The following AKAP12 variants were observed in gnomAD, a reference collection of about 807,000 sequenced individuals.
AKAP12 encodes the protein A-kinase anchoring protein 12.
A neutral mutation model predicts 79.9 loss-of-function variants in AKAP12; 32 were observed. The observed-to-expected ratio is 0.40, with a 90% confidence interval of 0.30 to 0.54. The LOEUF (loss-of-function observed/expected upper bound fraction) is 0.54, where lower values mean the gene tolerates loss of function less well. AKAP12 is among the 20% of genes least tolerant of loss of function. The pLI is 0.48. For synonymous variants in AKAP12, 808 were observed against 857.0 expected, an observed-to-expected ratio of 0.94 and a Z score of 1.00; for missense variants, 2,074 against 2,177.0, an observed-to-expected ratio of 0.95 and a Z score of 0.94.
intron 2 of AKAP12, among the ~76,000 whole-genome samples, chr6:151,294,446 G>A (rs576289184): frequency 1.3e-5 from 2 of 152,296 alleles, no homozygotes; most frequent in South Asian, 4.2e-4. Flanking sequence ...GGAAGATACC[G>A]GTTGTATCAG....
chr6:151,265,945 T>C (rs1028730077), intron 2 of AKAP12, among the ~76,000 whole-genome samples: 9 of 152,222 alleles, frequency 5.9e-5, no homozygotes, highest in Admixed American at 5.2e-4. Flanking sequence ...GGTCTTTTTG[T>C]TGTTGTTTTC....
chr6:151,277,700 TTTTA>T (rs1776312517), intron 2 of AKAP12, among the ~76,000 whole-genome samples: 1 of 152,224 alleles, frequency 6.6e-6, no homozygotes, highest in Admixed American at 6.5e-5. Flanking sequence ...AAATCCCATT[TTTTA>T]TTTAGTTTTT....
At chr6:151,256,794 C>T (rs936209193) in intron 2 of AKAP12, among the ~76,000 whole-genome samples, 6 of 151,736 alleles carry the variant, frequency 4.0e-5, no homozygotes, top group Non-Finnish European at 5.9e-5. Context: ...GAACTACAGG[C>T]GTGTGCCACC....
rs560376061 is a variant in AKAP12 at position 151,311,574 on chromosome 6, A to C, written c.319+5671A>C. Among the ~76,000 whole-genome samples, 95 of 152,322 alleles carry C rather than the reference A, an allele frequency of 6.2e-4. 1 individual carries two copies. The highest frequency in any genetic ancestry group is 3.4e-3 in the Middle Eastern group (1 of 294). ...TCAAAATGCTGTCACTTAAAGCAGAAGTCTTTGAGGGGATGTATTTCTTAA... is the reference window on the plus strand; with the variant it reads ...TCAAAATGCTGTCACTTAAAGCAGACGTCTTTGAGGGGATGTATTTCTTAA... On this transcript the variant is annotated intron_variant, in intron 3 of 4. Transcript: ENST00000402676.
At chr6:151,306,001 G>A (rs1776970916) in intron 3 of AKAP12, 98 bp downstream of exon 3, 2 of 1,290,540 alleles carry the variant, frequency 1.5e-6, no homozygotes, top group Non-Finnish European at 1.1e-6. Flanking sequence ...TGGTGGATTG[G>A]TGTTAACAGC....
At chr6:151,297,610 C>T (rs1000592794) in intron 2 of AKAP12, among the ~76,000 whole-genome samples, 39 of 149,300 alleles carry the variant, frequency 2.6e-4, no homozygotes, top group Non-Finnish European at 5.9e-5. Flanking sequence ...GTCTTCTTTT[C>T]TCTTCCTGTG....
rs1198303511 is a variant in AKAP12 at position 151,350,409 on chromosome 6, T to C, written c.2018T>C (p.Val673Ala). ...AAGCCGGAAGAACCAAAGCGCAAGG[T>C]GGATACCTCAGTATCTTGGGAAGCT... Reference protein sequence around the residue: ...EPKPEEPKRKVDTSVSWEALI... With the variant: ...EPKPEEPKRKADTSVSWEALI... Residue 673 changes from valine (V) to alanine (A), a missense_variant, in exon 4 of 5, where the codon GTG becomes GCG. This residue lies in a region of AKAP12 where 1,428 missense variants were observed against 1,451.0 expected (regional missense o/e 0.98). Transcript: ENST00000402676. The surrounding 1 kb of genome is among the most constrained non-coding windows in gnomAD (Gnocchi z 4.8). The C allele has an allele frequency of 1.2e-6, 2 of 1,612,634 alleles. No homozygotes were observed. The highest frequency in any genetic ancestry group is 1.7e-6 in the Non-Finnish European group (2 of 1,179,868).
intron 2 of AKAP12, among the ~76,000 whole-genome samples, chr6:151,254,759 C>T (rs936266927): frequency 1.3e-5 from 2 of 152,138 alleles, no homozygotes; most frequent in African/African-American, 4.8e-5. Context: ...AATTTTTGTC[C>T]TAAACTGAGA....
At chr6:151,242,743 G>A (rs1227536086) in intron 2 of AKAP12, among the ~76,000 whole-genome samples, 3 of 152,218 alleles carry the variant, frequency 2.0e-5, no homozygotes, top group Non-Finnish European at 2.9e-5. Flanking sequence ...ACATGTGTGG[G>A]TTTAGTGTTC....
intron 2 of AKAP12, among the ~76,000 whole-genome samples, chr6:151,275,145 A>G (rs1776267805): frequency 6.6e-6 from 1 of 151,992 alleles, no homozygotes; most frequent in Non-Finnish European, 1.5e-5. Flanking sequence ...TCTCACAAAC[A>G]TGTTTGACCC....
chr6:151,270,318 A>C (rs1776155982), intron 2 of AKAP12, among the ~76,000 whole-genome samples: 1 of 152,216 alleles, frequency 6.6e-6, no homozygotes, highest in African/African-American at 2.4e-5. Context: ...TCGGCCTCCC[A>C]AAGTGCTGGG....
In AKAP12 at chr6:151,305,878, GGAA is replaced by G. The variant is rs765450667; in HGVS notation, c.302_304del (p.Glu101del). The G allele has an allele frequency of 1.6e-3, 2,511 of 1,612,382 alleles. 2 individuals carry two copies. Among genetic ancestry groups the G allele is most frequent in the Non-Finnish European group, 1.8e-3 (2,148 of 1,179,186 alleles). On this transcript the variant is annotated inframe_deletion, in exon 3 of 5. Transcript: ENST00000402676. ...GTCAAGGAGCCCTAAACAGCCAGGA[GGAA>G]GAAGAAGTCATTGTCACAGAGGGTA...
chr6:151,284,917 G>A (rs1409746412), intron 2 of AKAP12, among the ~76,000 whole-genome samples: 2 of 152,170 alleles, frequency 1.3e-5, no homozygotes, highest in Non-Finnish European at 1.5e-5. Context: ...GACCCAGGGT[G>A]GAACCAAAGC....
At chr6:151,284,323 A>G (rs960840627) in intron 2 of AKAP12, among the ~76,000 whole-genome samples, 9 of 152,154 alleles carry the variant, frequency 5.9e-5, no homozygotes, top group Non-Finnish European at 8.8e-5. Context: ...ATTGCCTGAC[A>G]TGAGATAAAT....
chr6:151,275,845 T>C (rs1776283205), intron 2 of AKAP12, among the ~76,000 whole-genome samples: 2 of 152,346 alleles, frequency 1.3e-5, no homozygotes, highest in South Asian at 4.1e-4. Context: ...AGGCTGTTTT[T>C]ATGCTTATTT....
chr6:151,339,224 G>A (rs1294718735), intron 3 of AKAP12, among the ~76,000 whole-genome samples: 2 of 152,298 alleles, frequency 1.3e-5, no homozygotes, highest in Middle Eastern at 3.4e-3. Flanking sequence ...ACTATAAAAA[G>A]TTGTAATGAT....
chr6:151,269,848 A>AC (rs1472590327), intron 2 of AKAP12, among the ~76,000 whole-genome samples: 2 of 151,854 alleles, frequency 1.3e-5, no homozygotes, highest in African/African-American at 4.8e-5. Flanking sequence ...CCCCAAAGAA[A>AC]CCCCATACCC....
At chr6:151,258,370 C>G (rs1562709629) in intron 2 of AKAP12, among the ~76,000 whole-genome samples, 1 of 152,094 alleles carries the variant, frequency 6.6e-6, no homozygotes, top group African/African-American at 2.4e-5. Flanking sequence ...TGTGAGCTGA[C>G]CAGCTGGCTT....
intron 3 of AKAP12, among the ~76,000 whole-genome samples, chr6:151,331,614 G>A (rs576811172): frequency 7.9e-4 from 120 of 152,174 alleles, no homozygotes; most frequent in Admixed American, 1.5e-3. Flanking sequence ...GGCCGGGTGC[G>A]GTGGCTCACG....
Sources: allele counts gnomAD v4.1 joint callset (sites outside exome capture counted in the v4.1 genomes callset), GRCh38; gene constraint gnomAD v4.1.1; regional missense constraint gnomAD v4.1.1; non-coding constraint Gnocchi (gnomAD v3.1); transcripts MANE v1.5; gene names NCBI Gene and HGNC (gene_info 2026-07-23, HGNC 2026-07-21).